The following COL5A2 variants were observed in gnomAD, a reference collection of about 807,000 sequenced individuals.
COL5A2 encodes collagen type V alpha 2 chain.
A neutral mutation model predicts 208.2 loss-of-function variants in COL5A2; 23 were observed. The ratio of observed to expected loss-of-function variants is 0.11; its 90% CI spans 0.08 to 0.16. The LOEUF is 0.16. Ranked by LOEUF, COL5A2 falls within the 10% of genes least tolerant of loss-of-function variation. COL5A2 has a pLI of 1.00. For synonymous variants in COL5A2, 625 were observed against 628.5 expected (o/e 0.99, Z 0.08); for missense variants, 1,590 against 1,956.4 (o/e 0.81, Z 3.53).
At chr2:189,268,723 T>C in the COL5A2 span, among the ~76,000 whole-genome samples, 2 of 152,042 alleles carry the variant, frequency 1.3e-5, no homozygotes, top group African/African-American at 4.8e-5. Context: ...ATTTAGAAAA[T>C]ATGCCACTAT....
chr2:189,288,971 T>C, the COL5A2 span, among the ~76,000 whole-genome samples: 4 of 152,176 alleles, frequency 2.6e-5, no homozygotes, highest in Admixed American at 6.5e-5. Flanking sequence ...TTCATCTCAA[T>C]TGCTGCAGAA....
Position 189,168,234 on chromosome 2 carries a change from C to CA in COL5A2, c.97+11273_97+11274insT, listed in dbSNP as rs1688507380. 8.0e-5 allele frequency among the ~76,000 whole-genome samples: 8 copies of CA among 100,048 alleles called. No individual in the cohort carries two copies. In the Admixed American group the frequency reaches 8.4e-4, roughly 10 times the overall value. 65.6% of individuals were successfully genotyped at this position (100,048 alleles called of 152,430 possible). On this transcript the variant is annotated intron_variant, in intron 1 of 53. Transcript: ENST00000374866. ...GATTATAGGCGTGAGCCACTGTGCCCGGGTTTTTTTTTTTTTTTTTAATTC... is the reference window on the plus strand; with the variant it reads ...GATTATAGGCGTGAGCCACTGTGCCCAGGGTTTTTTTTTTTTTTTTTAATTC...
chr2:189,188,006 A>G (rs2105842010), intron 1 of COL5A2, among the ~76,000 whole-genome samples: 1 of 151,666 alleles, frequency 6.6e-6, no homozygotes, highest in South Asian at 2.1e-4. Context: ...CTTAAAGACC[A>G]AAACCCCAGG....
intron 17 of COL5A2, among the ~76,000 whole-genome samples, chr2:189,073,785 A>G (rs1043113296): frequency 6.6e-6 from 1 of 152,192 alleles, no homozygotes; most frequent in African/African-American, 2.4e-5. Flanking sequence ...AAGTTGCTCT[A>G]AAGTTCAGAA....
At chr2:189,412,727 T>C in the COL5A2 span, among the ~76,000 whole-genome samples, 1 of 152,228 alleles carries the variant, frequency 6.6e-6, no homozygotes, top group Admixed American at 6.5e-5. Flanking sequence ...CAATTGATAG[T>C]AAACAGGAGC....
At chr2:189,227,424 A>G (rs1478828414), upstream of COL5A2, among the ~76,000 whole-genome samples, 1 of 152,142 alleles carries the variant, frequency 6.6e-6, no homozygotes, top group Non-Finnish European at 1.5e-5. Flanking sequence ...TCAAAATACA[A>G]AGTGGCTGAA....
At chr2:189,285,108 C>A in the COL5A2 span, among the ~76,000 whole-genome samples, 3 of 23,812 alleles carry the variant, frequency 1.3e-4, no homozygotes, top group Admixed American at 3.7e-4. Context: ...GTGTGTGTGT[C>A]TAGAAAAGAG....
the COL5A2 span, among the ~76,000 whole-genome samples, chr2:189,285,745 G>A: frequency 1.3e-5 from 2 of 152,112 alleles, no homozygotes; most frequent in African/African-American, 4.8e-5. Context: ...TAAAGATAAT[G>A]TATCCCTGAA....
At chr2:189,425,397 A>T in the COL5A2 span, among the ~76,000 whole-genome samples, 3 of 152,190 alleles carry the variant, frequency 2.0e-5, no homozygotes. Flanking sequence ...AGCTATCTGC[A>T]CTCTCGTGTT....
intron 46 of COL5A2, among the ~76,000 whole-genome samples, chr2:189,045,446 C>G (rs1482184688): frequency 6.6e-6 from 1 of 152,046 alleles, no homozygotes; most frequent in Non-Finnish European, 1.5e-5. Context: ...TTCAATGACA[C>G]TTTTACGGTC....
chr2:189,367,165 T>A, the COL5A2 span, among the ~76,000 whole-genome samples: 1 of 152,184 alleles, frequency 6.6e-6, no homozygotes. Flanking sequence ...CAGAGTATGT[T>A]CATAACACTT....
intron 1 of COL5A2, among the ~76,000 whole-genome samples, chr2:189,212,428 A>G (rs1240519775): frequency 6.6e-6 from 1 of 152,138 alleles, no homozygotes; most frequent in Non-Finnish European, 1.5e-5. Flanking sequence ...AACTGAGGTC[A>G]GGAGTTCAAG....
chr2:189,159,488 A>T (rs1347555647), intron 1 of COL5A2, among the ~76,000 whole-genome samples: 1 of 152,106 alleles, frequency 6.6e-6, no homozygotes, highest in Non-Finnish European at 1.5e-5. Flanking sequence ...AACAATTAGG[A>T]TTGTCTCACT....
At chr2:189,243,470 C>T in the COL5A2 span, among the ~76,000 whole-genome samples, 1 of 152,100 alleles carries the variant, frequency 6.6e-6, no homozygotes, top group African/African-American at 2.4e-5. Flanking sequence ...AGGGAAACTC[C>T]CATTTTTAAA....
chr2:189,238,395 T>C, the COL5A2 span, among the ~76,000 whole-genome samples: 1 of 152,056 alleles, frequency 6.6e-6, no homozygotes, highest in East Asian at 1.9e-4. Flanking sequence ...AAGCATTAAT[T>C]CAAAATTCAA....
At chr2:189,219,836 G>T (rs1421989749) in intron 1 of COL5A2, among the ~76,000 whole-genome samples, 1 of 151,240 alleles carries the variant, frequency 6.6e-6, no homozygotes, top group Non-Finnish European at 1.5e-5. Flanking sequence ...TGGAACCAGG[G>T]ACAGCTTCAC....
At chr2:189,355,390 T>C in the COL5A2 span, among the ~76,000 whole-genome samples, 2 of 152,166 alleles carry the variant, frequency 1.3e-5, no homozygotes, top group African/African-American at 4.8e-5. Context: ...TGTTAAAGTC[T>C]CCCACTATTA....
the COL5A2 span, among the ~76,000 whole-genome samples, chr2:189,243,773 G>A: frequency 1.3e-5 from 2 of 152,160 alleles, no homozygotes; most frequent in Non-Finnish European, 2.9e-5. Context: ...GACAAGGCAA[G>A]TCCCCTCTGC....
At chr2:189,193,643 A>G (rs1292740413) in intron 1 of COL5A2, among the ~76,000 whole-genome samples, 1 of 152,226 alleles carries the variant, frequency 6.6e-6, no homozygotes, top group Admixed American at 6.5e-5. Context: ...AATAACATGC[A>G]AAAATTACAC....
Sources: gnomAD v4.1 joint callset for allele counts (sites outside exome capture counted in the v4.1 genomes callset) on GRCh38, gnomAD v4.1.1 for gene constraint, MANE v1.5 for transcripts, NCBI Gene and HGNC (gene_info 2026-07-23, HGNC 2026-07-21) for gene names.